Variants in PAK3 observed in about 807,000 individuals in gnomAD.
PAK3 encodes the protein serine/threonine-protein kinase PAK 3.
PAK3 carries 4 observed loss-of-function variants against 41.0 expected under a neutral mutation model. That is an observed-to-expected ratio of 0.10 (90% confidence interval 0.05 to 0.22). PAK3 has a LOEUF of 0.22. Ranked by LOEUF, PAK3 falls within the 10% of genes least tolerant of loss-of-function variation. The pLI, the probability that PAK3 is intolerant of heterozygous loss-of-function variation, is 1.00. For synonymous variants in PAK3, 146 were observed against 139.6 expected (o/e 1.05, Z -0.32); for missense variants, 205 against 409.9 (o/e 0.50, Z 4.32).
chrX:111,007,816 G>T (rs73537155), intron 1 of PAK3, among the ~76,000 whole-genome samples: 2 of 111,650 alleles, frequency 1.8e-5, no homozygotes, highest in Non-Finnish European at 3.8e-5. Flanking sequence ...AGGCCAACTA[G>T]TGTGAATGCA....
intron 8 of PAK3, among the ~76,000 whole-genome samples, chrX:111,159,161 A>G (rs28614788): frequency 9.0e-6 from 1 of 111,619 alleles, no homozygotes; most frequent in East Asian, 2.8e-4. Context: ...ATGTATGGTT[A>G]GGTATAATTT....
chrX:110,951,923 A>G (rs1341415287), intron 1 of PAK3, among the ~76,000 whole-genome samples: 1 of 112,160 alleles, frequency 8.9e-6, no homozygotes, highest in East Asian at 2.8e-4. Context: ...CTGCATCTTC[A>G]CTGATCTCTG....
At chrX:110,946,122 G>A (rs138567861) in intron 1 of PAK3, among the ~76,000 whole-genome samples, 1 of 111,366 alleles carries the variant, frequency 9.0e-6, no homozygotes, top group East Asian at 2.8e-4. Context: ...GATTGGGGAT[G>A]GGGGTTATGA....
chrX:111,185,785 G>A (rs1288540153), intron 11 of PAK3, among the ~76,000 whole-genome samples: 1 of 111,135 alleles, frequency 9.0e-6, no homozygotes, highest in Non-Finnish European at 1.9e-5. Context: ...AGTATAGTTT[G>A]AAGTCAGGTA....
intron 1 of PAK3, among the ~76,000 whole-genome samples, chrX:111,064,981 A>G (rs2092689645): frequency 8.9e-6 from 1 of 112,300 alleles, no homozygotes; most frequent in Non-Finnish European, 1.9e-5. Context: ...TAGATTCATG[A>G]AGGTATAGCA....
chrX:111,023,539 C>T (rs1247347549), intron 1 of PAK3, among the ~76,000 whole-genome samples: 1 of 112,199 alleles, frequency 8.9e-6, no homozygotes, highest in Admixed American at 9.4e-5. Context: ...TTCTCCACAT[C>T]CTCTCCAGCA....
upstream of PAK3, among the ~76,000 whole-genome samples, chrX:111,093,050 T>C (rs895119343): frequency 8.9e-6 from 1 of 111,971 alleles, no homozygotes; most frequent in African/African-American, 3.3e-5. Flanking sequence ...TTCAGTTTAC[T>C]TCTGTTATTA....
chrX:111,038,948 T>C (rs2092427105), intron 1 of PAK3, among the ~76,000 whole-genome samples: 1 of 111,551 alleles, frequency 9.0e-6, no homozygotes, highest in African/African-American at 3.3e-5. Flanking sequence ...GTATTAAATA[T>C]ATTCAAGTAC....
rs1490734288 is a variant in PAK3, at chrX:111,219,069, G to A, written c.1546-1289G>A. Among the ~76,000 whole-genome samples the A allele has an allele frequency of 1.8e-5, 2 of 108,411 alleles. 1 individual carries two copies. The highest frequency in any genetic ancestry group is 6.7e-5 in the African/African-American group (2 of 29,878). 94.1% of individuals were successfully genotyped at this position (108,411 alleles called of 115,157 possible). ...GCCAGGCATGGTGGCATGCGCCTGT[G>A]ATCCTAGCTACTCAGGAGACTGAGG... On this transcript the variant is annotated intron_variant, in intron 17 of 17. Coordinates refer to ENST00000372007, the MANE Select transcript of PAK3 (RefSeq NM_002578.5).
rs368631802 is a variant in PAK3, at chrX:111,160,080, C to G, written c.469-2835C>G. Among the ~76,000 whole-genome samples, 5 of 111,505 alleles carry G rather than the reference C, an allele frequency of 4.5e-5. No homozygotes were observed. The East Asian group carries it at 1.4e-3, about 31-fold the overall frequency. On this transcript the variant is annotated intron_variant, in intron 8 of 17. Coordinates refer to ENST00000372007, the MANE Select transcript of PAK3 (RefSeq NM_002578.5). Reference sequence around the variant, plus strand: ...ATAACTGCCTCAGGAGCTTTGTCCTCAAAGAATGAAAATTCATTGTCGGAT... The same window carrying G: ...ATAACTGCCTCAGGAGCTTTGTCCTGAAAGAATGAAAATTCATTGTCGGAT...
upstream of PAK3, among the ~76,000 whole-genome samples, chrX:111,094,187 G>A (rs754217059): frequency 1.1e-4 from 12 of 110,155 alleles, no homozygotes; most frequent in Non-Finnish European, 1.7e-4. Context: ...AAAGAGTGTT[G>A]TATATTTTTG....
At chrX:111,181,333 C>T (rs2094459322) in intron 11 of PAK3, among the ~76,000 whole-genome samples, 1 of 111,319 alleles carries the variant, frequency 9.0e-6, no homozygotes, top group East Asian at 2.8e-4. Context: ...TTCTCTTACA[C>T]GTAGATATAT....
intron 7 of PAK3, among the ~76,000 whole-genome samples, chrX:111,150,531 G>C (rs566109327): frequency 1.5e-4 from 17 of 111,810 alleles, no homozygotes; most frequent in African/African-American, 5.5e-4. Context: ...GAGGCAAAAG[G>C]CATTTCTTAC....
At chrX:111,174,066 GC>G (rs1245122795) in intron 11 of PAK3, among the ~76,000 whole-genome samples, 1 of 111,263 alleles carries the variant, frequency 9.0e-6, no homozygotes, top group Non-Finnish European at 1.9e-5. Context: ...AACTGTGCTA[GC>G]CGATCAGCCA....
Position 111,194,354 on chromosome X carries a change from C to G in PAK3, c.1046C>G (p.Ser349Cys). ...GTCATGGAATACTTGGCTGGTGGCT[C>G]TCTGACTGATGTGGTCACAGAGACC... The part of the protein sequence containing the change: ...WVVMEYLAGG[S>C]LTDVVTETCM... Residue 349 changes from serine (S) to cysteine (C), a missense_variant, in exon 14 of 18, where the codon TCT (serine) becomes TGT (cysteine). Transcript: ENST00000372007. 8.4e-7 allele frequency: 1 copy of G among 1,191,447 alleles called. No individual in the cohort carries two copies. Among genetic ancestry groups the G allele is most frequent in the Non-Finnish European group, 1.1e-6 (1 of 877,241 alleles).
In PAK3 at chrX:111,194,436, T is replaced by C. The variant is rs2094591481; in HGVS notation, c.1110+18T>C. On this transcript the variant is annotated intron_variant, in intron 14 of 17. Coordinates refer to ENST00000372007, the MANE Select transcript of PAK3 (RefSeq NM_002578.5). ...GCAGAGAGGTAAGCAAATAGAGCAT[T>C]TCTAGCTGAGAAGACCACCGAAATT... is the stretch of plus-strand genomic sequence containing the variant. The C allele has an allele frequency of 1.1e-6, 1 of 869,583 alleles. No individual in the cohort carries two copies. The highest frequency in any genetic ancestry group is 2.0e-5 in the African/African-American group (1 of 50,737). 71.7% of individuals were successfully genotyped at this position (869,583 alleles called of 1,213,427 possible).
At chrX:111,098,201 G>A (rs2093044778) in intron 3 of PAK3, among the ~76,000 whole-genome samples, 1 of 110,705 alleles carries the variant, frequency 9.0e-6, no homozygotes, top group Non-Finnish European at 1.9e-5. Flanking sequence ...GGTGAGTGGT[G>A]GACATACCAG....
intron 8 of PAK3, among the ~76,000 whole-genome samples, 166 bp from the exon 9 acceptor site, chrX:111,162,749 G>A (rs977262756): frequency 6.3e-5 from 7 of 111,447 alleles, no homozygotes; most frequent in Non-Finnish European, 1.3e-4. Context: ...TTGTATTCAG[G>A]TGAGCAAGTC....
intron 1 of PAK3, among the ~76,000 whole-genome samples, chrX:111,018,085 A>C (rs1025232672): frequency 2.7e-5 from 3 of 111,143 alleles, no homozygotes; most frequent in African/African-American, 9.8e-5. Context: ...GAAGAAAACT[A>C]CCTCAACATA....
Sources: allele counts gnomAD v4.1 joint callset (sites outside exome capture counted in the v4.1 genomes callset), GRCh38; gene constraint gnomAD v4.1.1; transcripts MANE v1.5; gene names NCBI Gene and HGNC (gene_info 2026-07-23, HGNC 2026-07-21).